Variants in CDH4 observed in about 807,000 individuals in gnomAD.
The protein encoded by CDH4 is cadherin 4.
In CDH4, 33 loss-of-function variants were observed where a neutral mutation model predicts 86.0. That is an observed-to-expected ratio of 0.38 (90% CI 0.29 to 0.51). The LOEUF is 0.51. Ranked by LOEUF, CDH4 falls within the 20% of genes least tolerant of loss-of-function variation. The pLI is 0.86. For synonymous variants in CDH4, 555 were observed against 549.4 expected, an observed-to-expected ratio of 1.01 and a Z score of -0.14; for missense variants, 1,114 against 1,307.4, an observed-to-expected ratio of 0.85 and a Z score of 2.28.
At chr20:61,331,021 G>A (rs1484653096) in intron 2 of CDH4, among the ~76,000 whole-genome samples, 1 of 152,082 alleles carries the variant, frequency 6.6e-6, no homozygotes, top group Non-Finnish European at 1.5e-5. Context: ...GGATGTCATC[G>A]AATGATCATT....
In CDH4 at chr20:61,829,263, G is replaced by A. The variant is rs1357908521; in HGVS notation, c.577-15405G>A. 6.6e-6 allele frequency among the ~76,000 whole-genome samples: 1 copy of A among 152,226 alleles called. No homozygotes were observed. The highest frequency in any genetic ancestry group is 2.4e-5 in the African/African-American group (1 of 41,464). On this transcript the variant is annotated intron_variant, in intron 4 of 15. Coordinates refer to ENST00000614565, the MANE Select transcript of CDH4 (RefSeq NM_001794.5). The surrounding 1 kb of genome is among the most constrained non-coding windows in gnomAD (Gnocchi z 4.2). ...GTGTCAATGGAAGGAGGTATTATGTGGGGTTTGTGTCCGGCTTCTTTCGCT... is the reference window on the plus strand; with the variant it reads ...GTGTCAATGGAAGGAGGTATTATGTAGGGTTTGTGTCCGGCTTCTTTCGCT...
Position 61,810,188 on chromosome 20 carries a change from G to A in CDH4, c.577-34480G>A, listed in dbSNP as rs774247628. Among the ~76,000 whole-genome samples the A allele has an allele frequency of 1.1e-4, 17 of 152,202 alleles. No homozygotes were observed. The highest frequency in any genetic ancestry group is 1.7e-4 in the African/African-American group (7 of 41,446). ...AAGACGGAGACAGAGATGGGTGAGG[G>A]AGGCCGGGCCAGCCACACTAACATC... is the stretch of plus-strand genomic sequence containing the variant. On this transcript the variant is annotated intron_variant, in intron 4 of 15. Coordinates refer to ENST00000614565, the MANE Select transcript of CDH4 (RefSeq NM_001794.5). This position sits in a 1 kb window ranked among gnomAD's most constrained non-coding sequence, Gnocchi z 4.3.
At chr20:61,766,204 C>G (rs1226279451) in intron 3 of CDH4, among the ~76,000 whole-genome samples, 2 of 147,732 alleles carry the variant, frequency 1.4e-5, no homozygotes, top group African/African-American at 2.5e-5. Flanking sequence ...CCCTCAGTCT[C>G]CCTCGCCACT....
intron 2 of CDH4, among the ~76,000 whole-genome samples, chr20:61,547,250 T>C (rs1474317867): frequency 7.2e-6 from 1 of 138,524 alleles, no homozygotes; most frequent in Non-Finnish European, 1.5e-5. Flanking sequence ...TCTCACTCTG[T>C]CTCCCAGGCT....
At chr20:61,878,022 G>T (rs1984116602) in intron 7 of CDH4, among the ~76,000 whole-genome samples, 1 of 152,052 alleles carries the variant, frequency 6.6e-6, no homozygotes, top group South Asian at 2.1e-4. Flanking sequence ...GGACTTCGTG[G>T]ACACAGACGG....
intron 6 of CDH4, among the ~76,000 whole-genome samples, chr20:61,871,190 A>T (rs1219450798): frequency 1.3e-5 from 2 of 150,764 alleles, no homozygotes; most frequent in Non-Finnish European, 3.0e-5. Flanking sequence ...GTGGGTCTCC[A>T]GGTGGTAATT....
chr20:61,470,522 T>G (rs1340020430), intron 2 of CDH4, among the ~76,000 whole-genome samples: 3 of 152,134 alleles, frequency 2.0e-5, no homozygotes, highest in African/African-American at 7.2e-5. Flanking sequence ...ATTTGGTTGC[T>G]CTTTCTTTCT....
At chr20:61,278,838 C>T (rs1273628470) in intron 2 of CDH4, among the ~76,000 whole-genome samples, 6 of 152,322 alleles carry the variant, frequency 3.9e-5, no homozygotes, top group Middle Eastern at 3.4e-3. Context: ...CTGGGCTGGC[C>T]GTGCCACTTA....
chr20:61,403,343 C>T (rs1458855922), intron 2 of CDH4, among the ~76,000 whole-genome samples: 1 of 152,174 alleles, frequency 6.6e-6, no homozygotes, highest in Non-Finnish European at 1.5e-5. Flanking sequence ...TGCAGTTGAA[C>T]CTGCAGTCCT....
intron 2 of CDH4, among the ~76,000 whole-genome samples, chr20:61,578,691 G>C (rs6121705): frequency 0.11 from 16,961 of 152,178 alleles, 2,163 homozygotes; most frequent in African/African-American, 0.31. Context: ...CACTTGCTGT[G>C]CATGGAAAGT....
At chr20:61,511,647 TGTGGCCG>T (rs1487015364) in intron 2 of CDH4, among the ~76,000 whole-genome samples, 2 of 152,212 alleles carry the variant, frequency 1.3e-5, no homozygotes, top group Non-Finnish European at 2.9e-5. Context: ...TAAGCGACTT[TGTGGCCG>T]TTTTCTAGAT....
At chr20:61,682,517 G>T (rs935165115) in intron 2 of CDH4, among the ~76,000 whole-genome samples, 4 of 151,426 alleles carry the variant, frequency 2.6e-5, no homozygotes, top group African/African-American at 9.7e-5. Context: ...GGACACACAG[G>T]TGGATGGATG....
At chr20:61,674,519 A>T (rs1020056194) in intron 2 of CDH4, among the ~76,000 whole-genome samples, 1 of 152,126 alleles carries the variant, frequency 6.6e-6, no homozygotes, top group East Asian at 1.9e-4. Flanking sequence ...AGTGCTCAGC[A>T]GGGCCCACCA....
chr20:61,318,635 A>G (rs561926536), intron 2 of CDH4, among the ~76,000 whole-genome samples: 1 of 152,346 alleles, frequency 6.6e-6, no homozygotes, highest in South Asian at 2.1e-4. Context: ...GCCTGGAATC[A>G]GTGATACTCA....
At chr20:61,882,830 C>A (rs981944428) in intron 7 of CDH4, among the ~76,000 whole-genome samples, 2 of 151,960 alleles carry the variant, frequency 1.3e-5, no homozygotes, top group Admixed American at 6.5e-5. Flanking sequence ...CAGCCCCCCG[C>A]CCCTTCCTAT....
intron 8 of CDH4, among the ~76,000 whole-genome samples, chr20:61,898,116 T>A (rs1399802553): frequency 2.6e-5 from 4 of 152,066 alleles, no homozygotes; most frequent in Non-Finnish European, 5.9e-5. Context: ...TAGAGATGGG[T>A]GACAGGCAGG....
intron 2 of CDH4, among the ~76,000 whole-genome samples, chr20:61,586,014 T>TGTGATG (rs1180132863): frequency 7.2e-6 from 1 of 139,400 alleles, no homozygotes; most frequent in Non-Finnish European, 1.5e-5. Flanking sequence ...TGATGGTGAT[T>TGTGATG]GTGATGGTGA....
chr20:61,775,861 T>C (rs8125674), intron 4 of CDH4, among the ~76,000 whole-genome samples: 79,734 of 152,002 alleles, frequency 0.52, 21,112 homozygotes, highest in East Asian at 0.71. Context: ...GACTGAAAGG[T>C]GGGAATTTCT....
rs756407148 is a variant in CDH4 at position 61,743,548 on chromosome 20, C to T, written c.170-15C>T. On this transcript the variant is annotated splice_polypyrimidine_tract_variant and intron_variant, in intron 2 of 15. Transcript: ENST00000614565. ...TGGCCAAGCCGACCCTGACTCTCTC[C>T]CCCTCCTCTTGCAGTCAAGTTCAGC... The T allele has an allele frequency of 1.3e-6, 2 of 1,550,218 alleles. No homozygotes were observed. The highest frequency in any genetic ancestry group is 1.7e-6 in the Non-Finnish European group (2 of 1,144,602).
Sources: allele counts gnomAD v4.1 joint callset (sites outside exome capture counted in the v4.1 genomes callset), GRCh38; gene constraint gnomAD v4.1.1; non-coding constraint Gnocchi (gnomAD v3.1); transcripts MANE v1.5; gene names NCBI Gene and HGNC (gene_info 2026-07-23, HGNC 2026-07-21).